Variants in RBFOX3 observed in about 807,000 individuals in gnomAD.
RBFOX3 encodes RNA binding fox-1 homolog 3.
Under a neutral mutation model 48.7 loss-of-function variants are expected in RBFOX3, and 17 were observed. The observed-to-expected ratio is 0.35, with a 90% CI of 0.24 to 0.52. The LOEUF is 0.52. Among genes scored for constraint, RBFOX3 ranks in the 20% least tolerant of loss-of-function variants. The pLI is 0.94. For missense variants in RBFOX3, 382 were observed against 497.5 expected (o/e 0.77, Z 2.21); for synonymous variants, 212 against 209.5 (o/e 1.01, Z -0.10).
At chr17:79,259,851 C>A (rs2065465501) in intron 3 of RBFOX3, among the ~76,000 whole-genome samples, 1 of 152,140 alleles carries the variant, frequency 6.6e-6, no homozygotes, top group Admixed American at 6.5e-5. Context: ...CTCTCTCTCT[C>A]CTCCCTGAAG....
chr17:79,288,485 C>G (rs902158563), intron 3 of RBFOX3, among the ~76,000 whole-genome samples: 1 of 152,092 alleles, frequency 6.6e-6, no homozygotes, highest in Non-Finnish European at 1.5e-5. Context: ...CAGCCCCCCC[C>G]AGCCCGGCTT....
chr17:79,342,462 CAGG>C (rs138530767), intron 2 of RBFOX3, among the ~76,000 whole-genome samples: 592 of 152,272 alleles, frequency 3.9e-3, no homozygotes, highest in Non-Finnish European at 6.1e-3. Context: ...ATATGTTAAG[CAGG>C]AGAAGTGAGG....
chr17:79,224,050 C>G (rs2060037151), intron 4 of RBFOX3, among the ~76,000 whole-genome samples: 1 of 152,130 alleles, frequency 6.6e-6, no homozygotes, highest in Admixed American at 6.5e-5. Flanking sequence ...CAGTTCTCTG[C>G]GTGTGTCCTG....
At chr17:79,177,018 C>T (rs1430089039) in intron 4 of RBFOX3, among the ~76,000 whole-genome samples, 2 of 152,176 alleles carry the variant, frequency 1.3e-5, no homozygotes, top group Non-Finnish European at 2.9e-5. Context: ...ATCCACTGGC[C>T]TCCCCTAGTC....
chr17:79,292,100 G>A (rs2073380927), intron 3 of RBFOX3, among the ~76,000 whole-genome samples: 1 of 151,966 alleles, frequency 6.6e-6, no homozygotes, highest in African/African-American at 2.4e-5. Context: ...AGTATTTTGG[G>A]GTTGCTCTGA....
chr17:79,172,386 C>T (rs373691953), intron 4 of RBFOX3, among the ~76,000 whole-genome samples: 9 of 152,304 alleles, frequency 5.9e-5, no homozygotes, highest in Non-Finnish European at 8.8e-5. Flanking sequence ...ACAGACACAG[C>T]GTGTTGTTGC....
At chr17:79,531,432 G>A (rs1019320184) in intron 1 of RBFOX3, among the ~76,000 whole-genome samples, 1,918 of 152,322 alleles carry the variant, frequency 0.013, 22 homozygotes, top group Non-Finnish European at 0.017. Flanking sequence ...TTCACTTTTC[G>A]GCAGCCAGTG....
chr17:79,361,456 G>C lies in RBFOX3; in HGVS notation c.-174-53632C>G, dbSNP rs781561901. On this transcript the variant is annotated intron_variant, in intron 2 of 14. Coordinates refer to ENST00000693108, the MANE Select transcript of RBFOX3 (RefSeq NM_001350451.2). The surrounding 1 kb of genome is among the most constrained non-coding windows in gnomAD (Gnocchi z 4.5). ...CCCTCACGGTGGCCCTTGGTTACTG[G>C]AGTCACCAGGACCTGCAGCACCTTG... is the stretch of plus-strand genomic sequence containing the variant. 6.6e-5 allele frequency among the ~76,000 whole-genome samples: 10 copies of C among 152,100 alleles called. No individual in the cohort carries two copies. The highest frequency in any genetic ancestry group is 1.3e-4 in the Non-Finnish European group (9 of 68,028).
At position 79,548,510 on chromosome 17, in the gene RBFOX3, G is replaced by A. The variant is rs539633407; in HGVS notation, c.-320+62316C>T. ...TGTGCACTTTATTTCTGCAGGAAGC[G>A]CAGCTGTGCCCAGGATGGTGGTATG... On this transcript the variant is annotated intron_variant, in intron 1 of 14. Coordinates refer to ENST00000693108, the MANE Select transcript of RBFOX3 (RefSeq NM_001350451.2). Among the ~76,000 whole-genome samples the A allele has an allele frequency of 1.5e-3, 221 of 152,378 alleles. 1 individual carries two copies. Among genetic ancestry groups the A allele is most frequent in the African/African-American group, 4.9e-3 (204 of 41,596 alleles).
intron 2 of RBFOX3, among the ~76,000 whole-genome samples, chr17:79,428,617 A>T (rs1482058158): frequency 6.6e-6 from 1 of 152,112 alleles, no homozygotes; most frequent in Non-Finnish European, 1.5e-5. Context: ...CAGCCTCGGG[A>T]GGCAGAGATA....
intron 1 of RBFOX3, among the ~76,000 whole-genome samples, chr17:79,528,111 T>G (rs1179316376): frequency 8.6e-5 from 13 of 150,976 alleles, no homozygotes; most frequent in African/African-American, 3.2e-4. Flanking sequence ...TAGTTGAACC[T>G]CTGAGGTATC....
At chr17:79,177,209 T>TCCCCCCCCCCCCCCCCCCCCC (rs58684385) in intron 4 of RBFOX3, among the ~76,000 whole-genome samples, 1 of 149,732 alleles carries the variant, frequency 6.7e-6, no homozygotes, top group African/African-American at 2.5e-5. Context: ...CCTCCTCCTC[T>TCCCCCCCCCCCCCCCCCCCCC]CCCCCCCCGC....
At chr17:79,664,225 A>G in the RBFOX3 span, among the ~76,000 whole-genome samples, 1 of 151,704 alleles carries the variant, frequency 6.6e-6, no homozygotes, top group Non-Finnish European at 1.5e-5. Flanking sequence ...CCCAGGCTAG[A>G]GTGCAGTGGC....
chr17:79,563,172 C>G (rs1441673072), intron 1 of RBFOX3, among the ~76,000 whole-genome samples: 1 of 151,878 alleles, frequency 6.6e-6, no homozygotes, highest in Admixed American at 6.6e-5. Flanking sequence ...ACAAAAACCA[C>G]CAACAAAAGG....
chr17:79,188,495 A>C (rs2053862623), intron 4 of RBFOX3, among the ~76,000 whole-genome samples: 1 of 152,238 alleles, frequency 6.6e-6, no homozygotes. Context: ...TAAACATAAT[A>C]AATACAGGGA....
chr17:79,564,889 A>G (rs1286555177), intron 1 of RBFOX3, among the ~76,000 whole-genome samples: 1 of 151,988 alleles, frequency 6.6e-6, no homozygotes, highest in East Asian at 1.9e-4. Flanking sequence ...AAAAATACAA[A>G]AATTAGCCGG....
chr17:79,289,310 T>C (rs1163063313), intron 3 of RBFOX3, among the ~76,000 whole-genome samples: 1 of 152,094 alleles, frequency 6.6e-6, no homozygotes. Flanking sequence ...AAGGTTAGAG[T>C]ATTCTCCAAA....
intron 2 of RBFOX3, among the ~76,000 whole-genome samples, chr17:79,439,456 C>T (rs546881377): frequency 6.6e-6 from 1 of 152,372 alleles, no homozygotes; most frequent in Non-Finnish European, 1.5e-5. Context: ...TCCATCCAAA[C>T]AGCAGTGACC....
At chr17:79,276,179 G>C (rs4444373) in intron 3 of RBFOX3, among the ~76,000 whole-genome samples, 29,068 of 152,158 alleles carry the variant, frequency 0.19, 3,930 homozygotes, top group African/African-American at 0.38. Flanking sequence ...GCCATCCAGG[G>C]ATGGAGAGCA....
Sources: gnomAD v4.1 joint callset for allele counts (sites outside exome capture counted in the v4.1 genomes callset) on GRCh38, gnomAD v4.1.1 for gene constraint, Gnocchi (gnomAD v3.1) non-coding constraint, MANE v1.5 for transcripts, NCBI Gene and HGNC (gene_info 2026-07-23, HGNC 2026-07-21) for gene names.